Variants in DACH1 observed in about 807,000 individuals in gnomAD.
DACH1 encodes the protein dachshund family transcription factor 1.
Under a neutral mutation model 54.2 loss-of-function variants are expected in DACH1, and 12 were observed. The ratio of observed to expected loss-of-function variants is 0.22; its 90% confidence interval spans 0.14 to 0.36. DACH1 has a LOEUF of 0.36. Among genes scored for constraint, DACH1 ranks in the 10% least tolerant of loss-of-function variants. The pLI, the probability that DACH1 is intolerant of heterozygous loss-of-function variation, is 1.00. For missense variants in DACH1, 805 were observed against 929.8 expected (o/e 0.87, Z 1.75); for synonymous variants, 386 against 366.2 (o/e 1.05, Z -0.62).
chr13:71,758,590 T>C (rs1300016485), intron 1 of DACH1, among the ~76,000 whole-genome samples: 1 of 152,150 alleles, frequency 6.6e-6, no homozygotes, highest in African/African-American at 2.4e-5. Context: ...TATATAATTA[T>C]TTAAGAATAG....
intron 1 of DACH1, among the ~76,000 whole-genome samples, chr13:71,828,256 A>C (rs1888454235): frequency 6.6e-6 from 1 of 151,990 alleles, no homozygotes; most frequent in South Asian, 2.1e-4. Flanking sequence ...AACTCTGAGG[A>C]TCAGGAAACC....
At chr13:71,712,223 T>A (rs923422159) in intron 1 of DACH1, among the ~76,000 whole-genome samples, 1 of 152,072 alleles carries the variant, frequency 6.6e-6, no homozygotes, top group Non-Finnish European at 1.5e-5. Flanking sequence ...TATTCTTAAA[T>A]CATATTTTTT....
At chr13:71,681,417 A>C (rs1041509587) in intron 2 of DACH1, among the ~76,000 whole-genome samples, 1 of 152,194 alleles carries the variant, frequency 6.6e-6, no homozygotes, top group African/African-American at 2.4e-5. Context: ...ATGCTAAACA[A>C]GTTTAAAATC....
At chr13:71,673,205 GTTAT>G (rs912830284) in intron 2 of DACH1, among the ~76,000 whole-genome samples, 2 of 152,020 alleles carry the variant, frequency 1.3e-5, no homozygotes, top group Non-Finnish European at 2.9e-5. Flanking sequence ...GTAATATGTG[GTTAT>G]TTAATTAAGT....
At chr13:71,503,234 T>C (rs61957810) in intron 6 of DACH1, among the ~76,000 whole-genome samples, 3,347 of 152,308 alleles carry the variant, frequency 0.022, 69 homozygotes, top group Middle Eastern at 0.054. Flanking sequence ...TACAGGTTTA[T>C]TTCTGTCTGT....
At chr13:71,621,963 C>T (rs1876278507) in intron 3 of DACH1, among the ~76,000 whole-genome samples, 1 of 151,920 alleles carries the variant, frequency 6.6e-6, no homozygotes, top group African/African-American at 2.4e-5. Flanking sequence ...TTAAAGAAAA[C>T]CATATTTAAA....
intron 1 of DACH1, among the ~76,000 whole-genome samples, chr13:71,852,310 G>C (rs1385869345): frequency 6.6e-6 from 1 of 152,008 alleles, no homozygotes; most frequent in Non-Finnish European, 1.5e-5. Flanking sequence ...AATCAATGAG[G>C]GAGAAAGCCT....
chr13:71,668,020 A>T (rs915272637), intron 2 of DACH1, among the ~76,000 whole-genome samples: 1 of 152,130 alleles, frequency 6.6e-6, no homozygotes, highest in African/African-American at 2.4e-5. Context: ...AAATGAAGGT[A>T]TCCAAATAGA....
At chr13:71,755,821 A>T (rs1885123047) in intron 1 of DACH1, among the ~76,000 whole-genome samples, 1 of 152,210 alleles carries the variant, frequency 6.6e-6, no homozygotes, top group African/African-American at 2.4e-5. Context: ...ATTTCTTTTA[A>T]TCACAGCATT....
intron 3 of DACH1, among the ~76,000 whole-genome samples, chr13:71,602,672 CAA>C (rs1874583402): frequency 6.6e-6 from 1 of 151,920 alleles, no homozygotes; most frequent in South Asian, 2.1e-4. Flanking sequence ...TCGTCAAAAA[CAA>C]TATCTAATCA....
intron 3 of DACH1, among the ~76,000 whole-genome samples, chr13:71,593,693 C>T (rs2138469311): frequency 6.6e-6 from 1 of 152,048 alleles, no homozygotes; most frequent in East Asian, 1.9e-4. Flanking sequence ...ATGCTTTGAG[C>T]TAAAAGTATT....
At chr13:71,599,595 C>T (rs1874349181) in intron 3 of DACH1, among the ~76,000 whole-genome samples, 2 of 152,138 alleles carry the variant, frequency 1.3e-5, no homozygotes, top group East Asian at 3.9e-4. Flanking sequence ...CATCTCTCCA[C>T]CTGTATCTTG....
rs1873377405 is a variant in DACH1 at position 71,847,754 on chromosome 13, A to G, written c.848+18168T>C. 2.0e-5 allele frequency among the ~76,000 whole-genome samples: 3 copies of G among 152,180 alleles called. No homozygotes were observed. The South Asian group carries it at 6.2e-4, about 32-fold the overall frequency. On this transcript the variant is annotated intron_variant, in intron 1 of 10. Coordinates refer to ENST00000613252, the MANE Select transcript of DACH1 (RefSeq NM_080759.6). ...TAGATCTGATTTTAACAACTTACTA[A>G]ATTTCACAATATAATAAGGGAGAAA...
intron 6 of DACH1, among the ~76,000 whole-genome samples, chr13:71,501,328 C>G (rs1263112643): frequency 1.3e-5 from 2 of 152,126 alleles, no homozygotes; most frequent in East Asian, 1.9e-4. Flanking sequence ...TATATGAAAA[C>G]AGGTGAAATG....
intron 6 of DACH1, among the ~76,000 whole-genome samples, chr13:71,556,063 TTAC>T (rs1336507830): frequency 6.6e-6 from 1 of 152,166 alleles, no homozygotes; most frequent in Non-Finnish European, 1.5e-5. Flanking sequence ...GTAAGCATTT[TTAC>T]TTTTTTGTGA....
intron 6 of DACH1, among the ~76,000 whole-genome samples, chr13:71,534,445 T>C (rs543823130): frequency 4.6e-5 from 7 of 152,054 alleles, no homozygotes; most frequent in East Asian, 3.9e-4. Flanking sequence ...ACTTTAATAA[T>C]ATCTACATAA....
intron 3 of DACH1, among the ~76,000 whole-genome samples, chr13:71,620,158 C>T (rs1176383334): frequency 6.6e-6 from 1 of 151,774 alleles, no homozygotes; most frequent in African/African-American, 2.4e-5. Context: ...TTTAATAAGG[C>T]CATTTCCAAA....
rs191892043 is a variant in DACH1, at chr13:71,777,734, C to A, written c.848+88188G>T. ...GGACAACAAATAGAAGACTTGCTAA[C>A]CTTTGTCAGACGTTTAATTTTAAGT... On this transcript the variant is annotated intron_variant, in intron 1 of 10. Coordinates refer to ENST00000613252, the MANE Select transcript of DACH1 (RefSeq NM_080759.6). 1.9e-4 allele frequency among the ~76,000 whole-genome samples: 29 copies of A among 152,134 alleles called. No individual in the cohort carries two copies. In the East Asian group the frequency reaches 3.5e-3, roughly 18 times the overall value.
chr13:71,639,834 C>T (rs551542999), intron 2 of DACH1, among the ~76,000 whole-genome samples: 1 of 152,084 alleles, frequency 6.6e-6, no homozygotes, highest in African/African-American at 2.4e-5. Flanking sequence ...GGTTTAAAAT[C>T]AACTGTTACC....
Sources: allele counts gnomAD v4.1 joint callset (sites outside exome capture counted in the v4.1 genomes callset), GRCh38; gene constraint gnomAD v4.1.1; transcripts MANE v1.5; gene names NCBI Gene and HGNC (gene_info 2026-07-23, HGNC 2026-07-21).